KLF12: variants seen among roughly 807,000 people sequenced by gnomAD.
KLF12 encodes Krueppel-like factor 12.
Under a neutral mutation model 37.8 loss-of-function variants are expected in KLF12, and 9 were observed. That is an observed-to-expected ratio of 0.24 (90% CI 0.14 to 0.42). KLF12 has a LOEUF of 0.42. Ranked by LOEUF, KLF12 falls within the 10% of genes least tolerant of loss-of-function variation. KLF12 has a pLI of 1.00. For synonymous variants in KLF12, 208 were observed against 202.1 expected (o/e 1.03, Z -0.25); for missense variants, 411 against 516.0 (o/e 0.80, Z 1.97).
intron 3 of KLF12, among the ~76,000 whole-genome samples, chr13:73,853,739 A>T (rs1885458111): frequency 4.9e-5 from 1 of 20,278 alleles, no homozygotes; most frequent in Non-Finnish European, 2.4e-4. Context: ...ACCCTGTCTA[A>T]AAAAAAAAAA....
intron 1 of KLF12, among the ~76,000 whole-genome samples, chr13:74,117,406 C>T (rs1219863527): frequency 6.6e-6 from 1 of 152,124 alleles, no homozygotes; most frequent in Non-Finnish European, 1.5e-5. Context: ...AAATAAGAGA[C>T]TAACACAGTA....
At chr13:73,986,466 A>T (rs1307563505) in intron 2 of KLF12, among the ~76,000 whole-genome samples, 1 of 152,194 alleles carries the variant, frequency 6.6e-6, no homozygotes, top group Admixed American at 6.5e-5. Context: ...CCACATGTTT[A>T]TGACAAAGGT....
intron 1 of KLF12, among the ~76,000 whole-genome samples, chr13:74,074,219 C>G (rs985159943): frequency 6.6e-6 from 1 of 152,148 alleles, no homozygotes; most frequent in African/African-American, 2.4e-5. Context: ...CTGAAGCACT[C>G]TTTTTCGGTA....
At chr13:74,214,610 G>T in the KLF12 span, among the ~76,000 whole-genome samples, 1 of 151,854 alleles carries the variant, frequency 6.6e-6, no homozygotes, top group Admixed American at 6.6e-5. Context: ...TTCAGATGTG[G>T]TATAGAGTGT....
chr13:73,961,791 C>T (rs1244169489), intron 2 of KLF12, among the ~76,000 whole-genome samples: 4 of 152,108 alleles, frequency 2.6e-5, no homozygotes, highest in African/African-American at 7.2e-5. Context: ...ATTAAAACAA[C>T]GAGATGCCAT....
intron 1 of KLF12, among the ~76,000 whole-genome samples, chr13:74,020,694 T>C (rs1873090875): frequency 1.3e-5 from 2 of 151,952 alleles, no homozygotes; most frequent in African/African-American, 4.8e-5. Flanking sequence ...ATTGAGACCA[T>C]TCTGGCTAAC....
At chr13:73,871,173 A>G (rs980301044) in intron 3 of KLF12, among the ~76,000 whole-genome samples, 2 of 152,132 alleles carry the variant, frequency 1.3e-5, no homozygotes, top group African/African-American at 4.8e-5. Context: ...AACAACATTC[A>G]ACGTTGCAGA....
chr13:74,055,838 C>T (rs1423752143), intron 1 of KLF12, among the ~76,000 whole-genome samples: 1 of 152,148 alleles, frequency 6.6e-6, no homozygotes, highest in Non-Finnish European at 1.5e-5. Flanking sequence ...CCAGGATAAA[C>T]GGAGGCATGT....
intron 3 of KLF12, among the ~76,000 whole-genome samples, chr13:73,907,520 T>C (rs1215029534): frequency 6.6e-6 from 1 of 152,208 alleles, no homozygotes; most frequent in Non-Finnish European, 1.5e-5. Context: ...CTCAGTCTTC[T>C]AAGCTTAACA....
chr13:73,708,892 T>A (rs1875149003), intron 7 of KLF12, among the ~76,000 whole-genome samples: 1 of 152,216 alleles, frequency 6.6e-6, no homozygotes, highest in African/African-American at 2.4e-5. Flanking sequence ...ATTTAAATAC[T>A]CTGTAAACTG....
chr13:74,007,565 G>A (rs573417312), intron 1 of KLF12, among the ~76,000 whole-genome samples: 25 of 152,074 alleles, frequency 1.6e-4, no homozygotes, highest in Non-Finnish European at 2.9e-4. Context: ...GTGAGCCACC[G>A]CGGCCGGCCA....
chr13:73,972,629 A>G (rs531180528), intron 2 of KLF12, among the ~76,000 whole-genome samples: 23 of 147,340 alleles, frequency 1.6e-4, no homozygotes, highest in South Asian at 9.1e-4. Context: ...ATTCACAGTA[A>G]TCACAGCTAC....
intron 3 of KLF12, among the ~76,000 whole-genome samples, chr13:73,916,216 CA>C (rs57124595): frequency 0.5 from 71,633 of 143,170 alleles, 17,477 homozygotes; most frequent in Middle Eastern, 0.57. Flanking sequence ...CTTACACACA[CA>C]CACACACACA....
chr13:73,693,862 CT>C lies in KLF12; in HGVS notation c.*1627del, dbSNP rs1873953784. On this transcript the variant is annotated 3_prime_UTR_variant, in exon 8 of 8. Transcript: ENST00000377669. ...CACAGAAAGCTGGAAAAAAACCCAGCTTGTGGTGGGGACAAAAATATGGTAA... is the reference window on the plus strand; with the variant it reads ...CACAGAAAGCTGGAAAAAAACCCAGCTGTGGTGGGGACAAAAATATGGTAA... The C allele has an allele frequency of 6.6e-6, 1 of 152,604 alleles. No individual in the cohort carries two copies. The highest frequency in any genetic ancestry group is 1.5e-5 in the Non-Finnish European group (1 of 68,028). 9.5% of individuals were successfully genotyped at this position (152,604 alleles called of 1,614,324 possible).
intron 7 of KLF12, among the ~76,000 whole-genome samples, chr13:73,709,630 T>C (rs1227455984): frequency 6.6e-6 from 1 of 152,208 alleles, no homozygotes; most frequent in African/African-American, 2.4e-5. Context: ...CTAAAAATAA[T>C]GTTATTTGAC....
chr13:74,040,930 A>G (rs1455471456), intron 1 of KLF12, among the ~76,000 whole-genome samples: 7 of 152,198 alleles, frequency 4.6e-5, no homozygotes, highest in Admixed American at 4.6e-4. Context: ...CCATTCTATT[A>G]GTTGCCAAGT....
chr13:74,296,237 C>G, the KLF12 span, among the ~76,000 whole-genome samples: 1 of 151,510 alleles, frequency 6.6e-6, no homozygotes, highest in African/African-American at 2.4e-5. Flanking sequence ...TGCTATAATA[C>G]TTATTTCACA....
At chr13:74,227,411 C>T in the KLF12 span, among the ~76,000 whole-genome samples, 3 of 152,160 alleles carry the variant, frequency 2.0e-5, no homozygotes, top group Non-Finnish European at 4.4e-5. Flanking sequence ...CAAATTGAAT[C>T]ATGCAGCCTC....
chr13:73,795,709 C>T (rs1044528012), intron 5 of KLF12, among the ~76,000 whole-genome samples: 5 of 152,028 alleles, frequency 3.3e-5, no homozygotes, highest in Admixed American at 2.0e-4. Flanking sequence ...TGATAAGAGA[C>T]GGAAGGTTAG....
Sources: allele counts gnomAD v4.1 joint callset (sites outside exome capture counted in the v4.1 genomes callset), GRCh38; gene constraint gnomAD v4.1.1; transcripts MANE v1.5; gene names NCBI Gene and HGNC (gene_info 2026-07-23, HGNC 2026-07-21).